FRMD5: variants seen among roughly 807,000 people sequenced by gnomAD.
FRMD5 encodes FERM domain containing 5.
Under a neutral mutation model 69.0 loss-of-function variants are expected in FRMD5, and 20 were observed. That is an observed-to-expected ratio of 0.29 (90% confidence interval 0.20 to 0.42). The LOEUF is 0.42. Ranked by LOEUF, FRMD5 falls within the 10% of genes least tolerant of loss-of-function variation. The pLI is 1.00. For missense variants in FRMD5, 595 were observed against 708.6 expected (o/e 0.84, Z 1.82); for synonymous variants, 271 against 260.1 (o/e 1.04, Z -0.40).
chr15:43,976,163 A>G (rs1309323882), intron 1 of FRMD5, among the ~76,000 whole-genome samples: 2 of 152,110 alleles, frequency 1.3e-5, no homozygotes, highest in African/African-American at 2.4e-5. Flanking sequence ...TGTACAACAT[A>G]AAACAATAAA....
At chr15:43,900,266 G>C (rs2140394433) in intron 7 of FRMD5, among the ~76,000 whole-genome samples, 1 of 152,258 alleles carries the variant, frequency 6.6e-6, no homozygotes, top group Admixed American at 6.5e-5. Flanking sequence ...CTCCTGTGTG[G>C]GTGCCCTGCT....
At chr15:43,883,655 T>C (rs746636777) in intron 13 of FRMD5, 48 bp downstream of exon 13, 1 of 1,368,556 alleles carries the variant, frequency 7.3e-7, no homozygotes, top group South Asian at 1.3e-5. Context: ...AGGTCCCAGA[T>C]CACAACTTGG....
intron 1 of FRMD5, among the ~76,000 whole-genome samples, chr15:43,935,752 C>T (rs577011521): frequency 2.2e-4 from 34 of 152,248 alleles, no homozygotes; most frequent in Admixed American, 4.6e-4. Context: ...AGGCCTCTGG[C>T]GCATCCCTGT....
chr15:43,909,240 C>CA (rs1042069669), intron 5 of FRMD5, among the ~76,000 whole-genome samples: 35 of 146,936 alleles, frequency 2.4e-4, no homozygotes, highest in African/African-American at 5.2e-4. Context: ...ACTAAAAATA[C>CA]AAAAAAAAAA....
chr15:44,143,891 G>A (rs1287948608), intron 1 of FRMD5, among the ~76,000 whole-genome samples: 1 of 135,478 alleles, frequency 7.4e-6, no homozygotes, highest in African/African-American at 2.8e-5. Flanking sequence ...GCCACTGCAC[G>A]CCAGTCTGGG....
chr15:44,051,895 C>T (rs1024742945), intron 1 of FRMD5, among the ~76,000 whole-genome samples: 37 of 152,086 alleles, frequency 2.4e-4, no homozygotes, highest in Admixed American at 8.5e-4. Flanking sequence ...AAGGGTAATA[C>T]TATGAACATT....
chr15:43,932,144 T>C (rs1016991425), intron 1 of FRMD5, among the ~76,000 whole-genome samples: 11 of 152,220 alleles, frequency 7.2e-5, no homozygotes, highest in African/African-American at 2.7e-4. Flanking sequence ...TCGTGCCAAC[T>C]TCCTCAGCCT....
intron 1 of FRMD5, among the ~76,000 whole-genome samples, chr15:44,145,428 T>C (rs1057220991): frequency 6.6e-6 from 1 of 152,224 alleles, no homozygotes; most frequent in African/African-American, 2.4e-5. Context: ...GCAGTGTTCT[T>C]GTACCAGTGA....
chr15:44,022,272 A>T (rs1205252787), intron 1 of FRMD5, among the ~76,000 whole-genome samples: 1 of 152,102 alleles, frequency 6.6e-6, no homozygotes, highest in Non-Finnish European at 1.5e-5. Context: ...TATAATACAA[A>T]AGAGGGCAGG....
rs948222286 is a variant in FRMD5, at chr15:44,090,681, C to G, written c.102+104272G>C. On this transcript the variant is annotated intron_variant, in intron 1 of 13. Transcript: ENST00000417257. Reference sequence around the variant, plus strand: ...TCTCAAACTGCTGACCTCAGGTGATCCGCCCGCCTCACCCTCCCAAAGTGC... The same window carrying G: ...TCTCAAACTGCTGACCTCAGGTGATGCGCCCGCCTCACCCTCCCAAAGTGC... 3.3e-5 allele frequency among the ~76,000 whole-genome samples: 5 copies of G among 152,126 alleles called. 1 individual carries two copies. Among genetic ancestry groups the G allele is most frequent in the Non-Finnish European group, 7.4e-5 (5 of 67,946 alleles).
At chr15:44,007,623 T>A (rs554029769) in intron 1 of FRMD5, among the ~76,000 whole-genome samples, 194 of 149,648 alleles carry the variant, frequency 1.3e-3, no homozygotes, top group African/African-American at 4.4e-3. Flanking sequence ...CTAATTTTTT[T>A]AATTAATTAA....
chr15:43,944,738 C>T (rs1338127869), intron 1 of FRMD5, among the ~76,000 whole-genome samples: 2 of 152,218 alleles, frequency 1.3e-5, no homozygotes, highest in Admixed American at 6.5e-5. Flanking sequence ...TACAGGCACC[C>T]GCTACCGGCT....
intron 1 of FRMD5, among the ~76,000 whole-genome samples, chr15:44,145,841 C>T (rs1314671147): frequency 6.6e-6 from 1 of 152,084 alleles, no homozygotes; most frequent in African/African-American, 2.4e-5. Context: ...ATATAACTGA[C>T]CCTTTGTCTT....
At chr15:43,937,028 T>C (rs752184252) in intron 1 of FRMD5, among the ~76,000 whole-genome samples, 13 of 152,160 alleles carry the variant, frequency 8.5e-5, no homozygotes, top group Admixed American at 5.9e-4. Flanking sequence ...TTTTAGGAAA[T>C]TGATGCTAAA....
rs144360962 is a variant in FRMD5 at position 43,901,246 on chromosome 15, C to T, written c.639+929G>A. On this transcript the variant is annotated intron_variant, in intron 7 of 13. Coordinates refer to ENST00000417257, the MANE Select transcript of FRMD5 (RefSeq NM_032892.5). ...CTGACACCTTATCTCAGATCTCCAG[C>T]CTCCAGAACTGTGAGACAATAGACT... Among the ~76,000 whole-genome samples, 309 of 152,328 alleles carry T rather than the reference C, an allele frequency of 2.0e-3. 2 individuals carry two copies. Among genetic ancestry groups the T allele is most frequent in the African/African-American group, 7.0e-3 (290 of 41,580 alleles).
rs141823533 is a variant in FRMD5 at position 43,992,741 on chromosome 15, T to C, written c.103-68432A>G. Among the ~76,000 whole-genome samples the C allele has an allele frequency of 2.9e-4, 44 of 152,234 alleles. 1 individual carries two copies. Among genetic ancestry groups the C allele is most frequent in the African/African-American group, 1.1e-3 (44 of 41,522 alleles). On this transcript the variant is annotated intron_variant, in intron 1 of 13. Coordinates refer to ENST00000417257, the MANE Select transcript of FRMD5 (RefSeq NM_032892.5). ...TCTTATTTTATTTTTAGAGATGGGG[T>C]ATTCCTCTGCCCAGGCTGGAGTACA...
chr15:43,893,416 C>T (rs1317418071), intron 7 of FRMD5, among the ~76,000 whole-genome samples: 1 of 152,134 alleles, frequency 6.6e-6, no homozygotes, highest in Non-Finnish European at 1.5e-5. Flanking sequence ...GGAGCAGAAG[C>T]TGTAGGTCTC....
chr15:44,017,504 C>T (rs919470548), intron 1 of FRMD5, among the ~76,000 whole-genome samples: 4 of 152,058 alleles, frequency 2.6e-5, no homozygotes, highest in Non-Finnish European at 5.9e-5. Context: ...GTACATTAGT[C>T]ACTATGGATT....
intron 1 of FRMD5, among the ~76,000 whole-genome samples, chr15:44,150,845 A>G (rs1303797209): frequency 1.3e-5 from 2 of 152,136 alleles, no homozygotes; most frequent in African/African-American, 2.4e-5. Flanking sequence ...TAATCCCAAC[A>G]TTTTGGGAGG....
Sources: gnomAD v4.1 joint callset for allele counts (sites outside exome capture counted in the v4.1 genomes callset) on GRCh38, gnomAD v4.1.1 for gene constraint, MANE v1.5 for transcripts, NCBI Gene and HGNC (gene_info 2026-07-23, HGNC 2026-07-21) for gene names.